Variants in MCC observed in about 807,000 individuals in gnomAD.
The protein encoded by MCC is colorectal mutant cancer protein.
Under a neutral mutation model 116.2 loss-of-function variants are expected in MCC, and 90 were observed. The ratio of observed to expected loss-of-function variants is 0.77; its 90% CI spans 0.65 to 0.92. MCC has a LOEUF of 0.92. Ranked by LOEUF, MCC falls within the 40% of genes least tolerant of loss-of-function variation. MCC has a pLI of 0.00. For missense variants in MCC, 1,516 were observed against 1,312.2 expected (o/e 1.16, Z -2.40); for synonymous variants, 578 against 510.5 (o/e 1.13, Z -1.78).
intron 1 of MCC, among the ~76,000 whole-genome samples, chr5:113,391,825 A>C (rs1769409818): frequency 1.3e-5 from 2 of 151,984 alleles, no homozygotes; most frequent in African/African-American, 4.8e-5. Context: ...TGGTACCAAG[A>C]CTTTGCCTCT....
At chr5:113,473,154 G>C (rs192834709) in intron 1 of MCC, among the ~76,000 whole-genome samples, 3 of 152,148 alleles carry the variant, frequency 2.0e-5, no homozygotes, top group Non-Finnish European at 4.4e-5. Context: ...AACCATAGAG[G>C]GATAGCTTAT....
intron 1 of MCC, among the ~76,000 whole-genome samples, chr5:113,423,630 C>A (rs944512479): frequency 2.0e-5 from 3 of 152,136 alleles, no homozygotes; most frequent in Non-Finnish European, 4.4e-5. Flanking sequence ...CCAGAGAAAG[C>A]CAGACTGAAG....
chr5:113,097,728 T>C (rs1393727583), intron 8 of MCC, among the ~76,000 whole-genome samples: 1 of 152,196 alleles, frequency 6.6e-6, no homozygotes, highest in African/African-American at 2.4e-5. Context: ...ACACTTACAC[T>C]TCCAGGCTGG....
chr5:113,129,616 T>A (rs58227713), intron 5 of MCC, among the ~76,000 whole-genome samples: 5,493 of 152,254 alleles, frequency 0.036, 338 homozygotes, highest in African/African-American at 0.13. Flanking sequence ...CAAGCCGTCT[T>A]ATGTCTCTTC....
chr5:113,279,643 A>C (rs1270450587), intron 3 of MCC, among the ~76,000 whole-genome samples: 1 of 152,212 alleles, frequency 6.6e-6, no homozygotes, highest in African/African-American at 2.4e-5. Flanking sequence ...ATCTTCTAAT[A>C]CTATTCATTT....
At chr5:113,287,872 TAAG>T (rs1766325088) in intron 3 of MCC, among the ~76,000 whole-genome samples, 1 of 152,080 alleles carries the variant, frequency 6.6e-6, no homozygotes, top group Non-Finnish European at 1.5e-5. Flanking sequence ...TTCCTTAAGA[TAAG>T]AAGTCTTGGG....
At chr5:113,474,171 T>C (rs1772172132) in intron 1 of MCC, among the ~76,000 whole-genome samples, 2 of 152,196 alleles carry the variant, frequency 1.3e-5, no homozygotes, top group African/African-American at 4.8e-5. Context: ...AGTTGGGCAC[T>C]GAGGTTACAA....
rs1750414764 is a variant in MCC at position 113,024,782 on chromosome 5, CATAA to C, written c.*2516_*2519del. On this transcript the variant is annotated 3_prime_UTR_variant, in exon 19 of 19. Transcript: ENST00000408903. Reference sequence around the variant, plus strand: ...TTAGTTCAGTAGCTCCCACAATTAGCATAATCAAGTGCCACCTAGTTCACCTTCA... The same window carrying C: ...TTAGTTCAGTAGCTCCCACAATTAGCTCAAGTGCCACCTAGTTCACCTTCA... 6.6e-6 allele frequency: 1 copy of C among 152,080 alleles called. No individual in the cohort carries two copies. Among genetic ancestry groups the C allele is most frequent in the Non-Finnish European group, 1.5e-5 (1 of 68,022 alleles). 9.4% of individuals were successfully genotyped at this position (152,080 alleles called of 1,614,324 possible).
intron 5 of MCC, among the ~76,000 whole-genome samples, chr5:113,126,362 C>T (rs1758052011): frequency 6.6e-6 from 1 of 152,120 alleles, no homozygotes; most frequent in South Asian, 2.1e-4. Flanking sequence ...ATAAATGGGG[C>T]TTCGAGAGGC....
intron 1 of MCC, among the ~76,000 whole-genome samples, chr5:113,474,546 G>T (rs1772184024): frequency 6.6e-6 from 1 of 152,206 alleles, no homozygotes; most frequent in South Asian, 2.1e-4. Flanking sequence ...CCTAGAAGGA[G>T]TCTGAACTTA....
At chr5:113,267,151 T>A (rs552619902) in intron 3 of MCC, among the ~76,000 whole-genome samples, 10 of 152,256 alleles carry the variant, frequency 6.6e-5, no homozygotes, top group African/African-American at 2.2e-4. Flanking sequence ...GCTCTTTCCT[T>A]CCTATCGTCC....
At chr5:113,419,154 T>C (rs1388714579) in intron 1 of MCC, among the ~76,000 whole-genome samples, 1 of 151,304 alleles carries the variant, frequency 6.6e-6, no homozygotes, top group African/African-American at 2.4e-5. Context: ...GATAGGAATA[T>C]TCTTTTTTTT....
intron 3 of MCC, among the ~76,000 whole-genome samples, chr5:113,307,506 G>T (rs10900683): frequency 0.36 from 54,272 of 152,064 alleles, 11,739 homozygotes; most frequent in African/African-American, 0.6. Context: ...TATCTTGCAA[G>T]CTTGCTGAAC....
intron 1 of MCC, among the ~76,000 whole-genome samples, chr5:113,393,183 T>C (rs1769444093): frequency 6.6e-6 from 1 of 152,158 alleles, no homozygotes; most frequent in African/African-American, 2.4e-5. Context: ...GGGCTTGACA[T>C]GCATTTGTAA....
intron 6 of MCC, among the ~76,000 whole-genome samples, chr5:113,104,884 C>T (rs2150257035): frequency 6.6e-6 from 1 of 152,322 alleles, no homozygotes; most frequent in African/African-American, 2.4e-5. Context: ...GCAATTTAAT[C>T]CATGTTCTTT....
intron 3 of MCC, among the ~76,000 whole-genome samples, chr5:113,179,103 A>G (rs1012557853): frequency 2.0e-5 from 3 of 152,104 alleles, no homozygotes; most frequent in Non-Finnish European, 4.4e-5. Context: ...CCTTACAGAG[A>G]CCCTTTAAGA....
chr5:113,409,413 G>A (rs1247525859), intron 1 of MCC, among the ~76,000 whole-genome samples: 1 of 151,962 alleles, frequency 6.6e-6, no homozygotes, highest in Non-Finnish European at 1.5e-5. Context: ...GTGCAGTGGT[G>A]TGATCACGGC....
chr5:113,051,294 C>T (rs4235782), intron 15 of MCC, among the ~76,000 whole-genome samples: 149,099 of 152,322 alleles, frequency 0.98, 72,983 homozygotes, highest in East Asian at 1. Context: ...TCAGCACTGA[C>T]GAAGAATGAG....
intron 2 of MCC, among the ~76,000 whole-genome samples, chr5:113,354,874 T>C (rs1360328454): frequency 6.6e-6 from 1 of 151,464 alleles, no homozygotes; most frequent in African/African-American, 2.4e-5. Context: ...AATGTGGCAA[T>C]AGCACTTTGT....
Sources: allele counts gnomAD v4.1 joint callset (sites outside exome capture counted in the v4.1 genomes callset), GRCh38; gene constraint gnomAD v4.1.1; transcripts MANE v1.5; gene names NCBI Gene and HGNC (gene_info 2026-07-23, HGNC 2026-07-21).